The following SGSM1 variants were observed in gnomAD, a reference collection of about 807,000 sequenced individuals.
The protein encoded by SGSM1 is small G protein signaling modulator 1.
A neutral mutation model predicts 133.8 loss-of-function variants in SGSM1; 73 were observed. That is an observed-to-expected ratio of 0.55 (90% CI 0.45 to 0.66). The LOEUF (loss-of-function observed/expected upper bound fraction) is 0.66. SGSM1 is among the 30% of genes least tolerant of loss of function. The pLI is 0.00. For missense variants in SGSM1, 1,213 were observed against 1,448.1 expected, an observed-to-expected ratio of 0.84 and a Z score of 2.64; for synonymous variants, 563 against 573.0, an observed-to-expected ratio of 0.98 and a Z score of 0.25.
chr22:24,850,105 G>C (rs1930369293), intron 4 of SGSM1, among the ~76,000 whole-genome samples, 175 bp from the exon 5 acceptor site: 1 of 152,166 alleles, frequency 6.6e-6, no homozygotes, highest in Non-Finnish European at 1.5e-5. Flanking sequence ...CACACTCACT[G>C]GGTATTACTA....
At chr22:24,828,444 G>T (rs1429232007) in intron 2 of SGSM1, among the ~76,000 whole-genome samples, 2 of 152,102 alleles carry the variant, frequency 1.3e-5, no homozygotes, top group Non-Finnish European at 2.9e-5. Flanking sequence ...TTAAAAAGGG[G>T]GCAAATGACA....
rs1569146788 is a variant in SGSM1 at position 24,850,183 on chromosome 22, A to G, written c.303-97A>G. On this transcript the variant is annotated intron_variant, in intron 4 of 24. Transcript: ENST00000400358. ...CTTCTTGTTTAGCTGCCATTCCTTC[A>G]TTTTCCTGAGAGATTGAACATTCTC... 4.6e-6 allele frequency: 6 copies of G among 1,294,238 alleles called. No homozygotes were observed. In the East Asian group the frequency reaches 1.0e-4, roughly 22 times the overall value. 80.2% of individuals were successfully genotyped at this position (1,294,238 alleles called of 1,614,324 possible).
chr22:24,845,957 C>CTTTTCTTTTCT lies in SGSM1; in HGVS notation c.139+988_139+989insTCTTTTCTTTT, dbSNP rs1252145833. On this transcript the variant is annotated intron_variant, in intron 3 of 24. Coordinates refer to ENST00000400358, the MANE Select transcript of SGSM1 (RefSeq NM_001098497.3). ...TTTCTTTTCTTTTCTTTCTTTCTTT[C>CTTTTCTTTTCT]TTTCTTTCTTTCTTTCTTTCTTTCT... 9.4e-4 allele frequency among the ~76,000 whole-genome samples: 86 copies of CTTTTCTTTTCT among 91,212 alleles called. 2 individuals carry two copies. The highest frequency in any genetic ancestry group is 2.7e-3 in the African/African-American group (73 of 27,468). The allele number at this position is 91,212 out of a possible 152,430, so 59.8% of individuals were successfully genotyped here.
chr22:24,821,891 A>G (rs1928492904), intron 2 of SGSM1, among the ~76,000 whole-genome samples: 1 of 152,138 alleles, frequency 6.6e-6, no homozygotes, highest in South Asian at 2.1e-4. Flanking sequence ...CCAGAGTGGT[A>G]CCTTTGTTAG....
At chr22:24,854,670 T>C (rs1369539582) in intron 5 of SGSM1, among the ~76,000 whole-genome samples, 1 of 152,100 alleles carries the variant, frequency 6.6e-6, no homozygotes, top group Non-Finnish European at 1.5e-5. Context: ...AATTTGAAAA[T>C]TAGCCAGTGG....
intron 9 of SGSM1, 125 bp from the exon 10 acceptor site, chr22:24,866,968 A>G (rs1355149729): frequency 5.9e-6 from 5 of 846,732 alleles, no homozygotes; most frequent in East Asian, 2.7e-5. Context: ...AGGCTGGGAC[A>G]CAGATGCTGG....
In SGSM1 at chr22:24,920,007, T is replaced by C. The variant is rs767000558; in HGVS notation, c.3193+14T>C. 1 of 1,578,652 alleles carries C rather than the reference T, an allele frequency of 6.3e-7. No homozygotes were observed. Among genetic ancestry groups the C allele is most frequent in the Non-Finnish European group, 8.6e-7 (1 of 1,162,136 alleles). On this transcript the variant is annotated intron_variant, in intron 24 of 24. Transcript: ENST00000400358. ...AATTCTTTAATGGTACCCACATGAC[T>C]GGGGCCTCATGAGAGGGGTGCAGGC... is the stretch of plus-strand genomic sequence containing the variant.
intron 2 of SGSM1, among the ~76,000 whole-genome samples, chr22:24,840,164 T>C (rs1929707746): frequency 1.3e-5 from 2 of 152,066 alleles, no homozygotes; most frequent in Non-Finnish European, 2.9e-5. Flanking sequence ...CAGGATGGTC[T>C]CGATCTCCTG....
At chr22:24,880,361 T>A (rs1932257364) in intron 14 of SGSM1, among the ~76,000 whole-genome samples, 1 of 152,198 alleles carries the variant, frequency 6.6e-6, no homozygotes, top group African/African-American at 2.4e-5. Context: ...CTCGAACTCC[T>A]GACCTCAGGT....
At chr22:24,807,097 C>CA (rs1927446069) in intron 2 of SGSM1, among the ~76,000 whole-genome samples, 1 of 151,156 alleles carries the variant, frequency 6.6e-6, no homozygotes. Flanking sequence ...GGGTGAGAAT[C>CA]AGAGAGGTTC....
intron 21 of SGSM1, among the ~76,000 whole-genome samples, chr22:24,908,752 A>G (rs988025240): frequency 3.3e-5 from 5 of 151,554 alleles, no homozygotes; most frequent in Non-Finnish European, 7.4e-5. Context: ...CAGTGAGCCG[A>G]GATCGCGCCA....
chr22:24,908,868 A>C lies in SGSM1; in HGVS notation c.2818+3681A>C, dbSNP rs188715875. 1.1e-4 allele frequency among the ~76,000 whole-genome samples: 16 copies of C among 152,264 alleles called. No homozygotes were observed. In the East Asian group the frequency reaches 2.9e-3, roughly 28 times the overall value. On this transcript the variant is annotated intron_variant, in intron 21 of 24. Transcript: ENST00000400358. Reference sequence around the variant, plus strand: ...TGAGGGATTTGAATAGACATTTCTCAATAGAATTGAAGATATGCAAATGGC... The same window carrying C: ...TGAGGGATTTGAATAGACATTTCTCCATAGAATTGAAGATATGCAAATGGC...
intron 15 of SGSM1, among the ~76,000 whole-genome samples, chr22:24,885,946 C>A (rs1327598876): frequency 6.6e-6 from 1 of 152,148 alleles, no homozygotes; most frequent in Non-Finnish European, 1.5e-5. Flanking sequence ...GACTGCTGGA[C>A]CACGGAAGTA....
intron 24 of SGSM1, among the ~76,000 whole-genome samples, chr22:24,923,891 G>A (rs1934099397): frequency 6.6e-6 from 1 of 152,146 alleles, no homozygotes; most frequent in Non-Finnish European, 1.5e-5. Context: ...CAAGGTGCTG[G>A]GATTACAGCC....
chr22:24,838,053 T>C (rs980978556), intron 2 of SGSM1, among the ~76,000 whole-genome samples: 5 of 152,210 alleles, frequency 3.3e-5, no homozygotes, highest in African/African-American at 1.2e-4. Flanking sequence ...TCTTGTATGA[T>C]TTTTATAGTT....
At chr22:24,806,608 A>C in intron 2 of SGSM1, 124 bp downstream of exon 2, 2 of 1,205,062 alleles carry the variant, frequency 1.7e-6, no homozygotes, top group Non-Finnish European at 2.2e-6. Flanking sequence ...TGTGGGGCTC[A>C]CCTGGGTGGG....
chr22:24,895,369 C>T, intron 18 of SGSM1, 78 bp downstream of exon 18: 1 of 1,385,116 alleles, frequency 7.2e-7, no homozygotes, highest in South Asian at 1.2e-5. Context: ...GGGTGTCCGT[C>T]ATCTGTAGGT....
intron 2 of SGSM1, among the ~76,000 whole-genome samples, chr22:24,811,631 C>T (rs769155315): frequency 1.2e-4 from 19 of 152,010 alleles, no homozygotes; most frequent in Non-Finnish European, 2.4e-4. Flanking sequence ...TTTGGGAGGC[C>T]AAGGTGGGAT....
intron 7 of SGSM1, 41 bp from the exon 8 acceptor site, chr22:24,855,507 AC>A (rs1391448253): frequency 3.7e-6 from 6 of 1,612,168 alleles, no homozygotes; most frequent in Non-Finnish European, 3.4e-6. Flanking sequence ...CCTGAAAATC[AC>A]CCCAGGCCTC....
Sources: allele counts gnomAD v4.1 joint callset (sites outside exome capture counted in the v4.1 genomes callset), GRCh38; gene constraint gnomAD v4.1.1; transcripts MANE v1.5; gene names NCBI Gene and HGNC (gene_info 2026-07-23, HGNC 2026-07-21).